Variants in ADRA1B observed in about 807,000 individuals in gnomAD.
ADRA1B encodes the protein adrenoceptor alpha 1B, also known as alpha-1B adrenergic receptor.
A neutral mutation model predicts 17.9 loss-of-function variants in ADRA1B; 17 were observed. The ratio of observed to expected loss-of-function variants is 0.95; its 90% CI spans 0.65 to 1.42. ADRA1B has a LOEUF of 1.42. Among genes scored for constraint, ADRA1B ranks in the 40% most tolerant of loss-of-function variants. ADRA1B has a pLI of 0.00. For missense variants in ADRA1B, 681 were observed against 722.1 expected (o/e 0.94, Z 0.65); for synonymous variants, 366 against 327.6 (o/e 1.12, Z -1.27).
At chr5:159,898,313 A>G (rs1026055833) in intron 1 of ADRA1B, among the ~76,000 whole-genome samples, 1 of 152,240 alleles carries the variant, frequency 6.6e-6, no homozygotes, top group African/African-American at 2.4e-5. Flanking sequence ...AGACTGACTC[A>G]GGAGACAGCT....
intron 1 of ADRA1B, among the ~76,000 whole-genome samples, chr5:159,878,114 G>A (rs1753821071): frequency 6.6e-6 from 1 of 152,194 alleles, no homozygotes; most frequent in African/African-American, 2.4e-5. Context: ...CAAATGCCGA[G>A]GCAGTCTCAG....
the ADRA1B span, among the ~76,000 whole-genome samples, chr5:159,988,699 C>T: frequency 2.6e-5 from 4 of 152,132 alleles, no homozygotes; most frequent in Non-Finnish European, 5.9e-5. Context: ...CATCTGTGGC[C>T]GGGCATGGTG....
chr5:159,876,788 G>A (rs949316957), intron 1 of ADRA1B, among the ~76,000 whole-genome samples: 10 of 152,200 alleles, frequency 6.6e-5, no homozygotes, highest in Non-Finnish European at 1.5e-4. Flanking sequence ...GGTGCTATAA[G>A]TAAAAAGTAA....
intron 1 of ADRA1B, among the ~76,000 whole-genome samples, chr5:159,921,467 G>A (rs760538001): frequency 2.9e-4 from 44 of 152,342 alleles, no homozygotes; most frequent in Non-Finnish European, 4.6e-4. Flanking sequence ...GGAAGGCCTT[G>A]TCAGGGTCTC....
chr5:159,968,151 G>A (rs1755807410), intron 1 of ADRA1B, among the ~76,000 whole-genome samples: 1 of 152,024 alleles, frequency 6.6e-6, no homozygotes, highest in Non-Finnish European at 1.5e-5. Flanking sequence ...CAAATGAATG[G>A]ACATATAGCA....
chr5:159,946,089 G>A (rs1030281020), intron 1 of ADRA1B, among the ~76,000 whole-genome samples: 14 of 152,218 alleles, frequency 9.2e-5, no homozygotes, highest in African/African-American at 3.1e-4. Context: ...GTGGAGGATG[G>A]ATTGTAGAGG....
At chr5:159,977,288 G>GC (rs1205380047), downstream of ADRA1B, among the ~76,000 whole-genome samples, 1 of 152,156 alleles carries the variant, frequency 6.6e-6, no homozygotes, top group Non-Finnish European at 1.5e-5. Flanking sequence ...GATGAATCTT[G>GC]CCCCGTGTTA....
At chr5:159,984,448 C>T in the ADRA1B span, among the ~76,000 whole-genome samples, 1 of 152,096 alleles carries the variant, frequency 6.6e-6, no homozygotes, top group Non-Finnish European at 1.5e-5. Context: ...CAGAAGCTGC[C>T]CAGAATCCAT....
intron 1 of ADRA1B, among the ~76,000 whole-genome samples, chr5:159,887,728 A>G (rs1045891644): frequency 1.4e-4 from 21 of 152,314 alleles, no homozygotes; most frequent in African/African-American, 4.8e-4. Flanking sequence ...TTGAGCTGGA[A>G]GTTTTATTAG....
intron 1 of ADRA1B, among the ~76,000 whole-genome samples, chr5:159,895,008 C>A (rs186394222): frequency 1.4e-3 from 210 of 152,300 alleles, no homozygotes; most frequent in African/African-American, 4.9e-3. Flanking sequence ...ATAAATTTAT[C>A]TTTAAAGGAA....
At chr5:159,890,099 C>T (rs915038264) in intron 1 of ADRA1B, among the ~76,000 whole-genome samples, 3 of 152,156 alleles carry the variant, frequency 2.0e-5, no homozygotes, top group African/African-American at 7.2e-5. Flanking sequence ...GGGTGCTTGC[C>T]TTGAGGGTCC....
At chr5:159,956,729 A>G (rs1279095257) in intron 1 of ADRA1B, among the ~76,000 whole-genome samples, 3 of 152,192 alleles carry the variant, frequency 2.0e-5, no homozygotes, top group Non-Finnish European at 4.4e-5. Context: ...TTTTAATTTT[A>G]TTAGGTAATG....
chr5:159,932,943 T>G (rs1754855681), intron 1 of ADRA1B, among the ~76,000 whole-genome samples: 1 of 152,218 alleles, frequency 6.6e-6, no homozygotes, highest in African/African-American at 2.4e-5. Context: ...AAAACAATAT[T>G]TTTATACATC....
At chr5:159,957,764 C>T (rs1228594657) in intron 1 of ADRA1B, among the ~76,000 whole-genome samples, 4 of 151,090 alleles carry the variant, frequency 2.6e-5, no homozygotes, top group Non-Finnish European at 5.9e-5. Flanking sequence ...GATGAAACCT[C>T]GTCTCTACTA....
chr5:159,972,917 C>T lies in ADRA1B; in HGVS notation c.*425C>T, dbSNP rs1290281075. 3.9e-5 allele frequency among the ~76,000 whole-genome samples: 6 copies of T among 152,218 alleles called. No individual in the cohort carries two copies. ...ACCGGGGGCGTTGTGTGTGTCGTGA[C>T]TTCGTACCTCTCAAGCCCCTCCTTG... On this transcript the variant is annotated 3_prime_UTR_variant, in exon 2 of 2. Transcript: ENST00000306675.
At chr5:159,897,484 T>TA (rs879349805) in intron 1 of ADRA1B, among the ~76,000 whole-genome samples, 116 of 141,326 alleles carry the variant, frequency 8.2e-4, no homozygotes, top group East Asian at 3.1e-3. Context: ...AGACTCCATC[T>TA]AAAAAAAAAA....
At chr5:159,881,432 T>C (rs1753862928) in intron 1 of ADRA1B, among the ~76,000 whole-genome samples, 1 of 151,724 alleles carries the variant, frequency 6.6e-6, no homozygotes, top group African/African-American at 2.4e-5. Flanking sequence ...CTTCTTGGCA[T>C]GCCAATTTTC....
At chr5:159,906,859 T>C (rs952461988) in intron 1 of ADRA1B, among the ~76,000 whole-genome samples, 2 of 152,218 alleles carry the variant, frequency 1.3e-5, no homozygotes, top group Non-Finnish European at 2.9e-5. Context: ...TACTCTTTTT[T>C]CTTTTCCACT....
chr5:159,931,009 T>TTATTATATATATTTAATAATATATA (rs1554090358), intron 1 of ADRA1B, among the ~76,000 whole-genome samples: 49 of 147,364 alleles, frequency 3.3e-4, no homozygotes, highest in African/African-American at 7.9e-4. Context: ...TTTATAATAT[T>TTATTATATATATTTAATAATATATA]TATTATATAT....
Sources: allele counts gnomAD v4.1 joint callset (sites outside exome capture counted in the v4.1 genomes callset), GRCh38; gene constraint gnomAD v4.1.1; transcripts MANE v1.5; gene names NCBI Gene and HGNC (gene_info 2026-07-23, HGNC 2026-07-21).